The following CNTN3 variants were observed in gnomAD, a reference collection of about 807,000 sequenced individuals.
The protein encoded by CNTN3 is contactin 3.
A neutral mutation model predicts 119.1 loss-of-function variants in CNTN3; 60 were observed. The observed-to-expected ratio is 0.50, with a 90% CI of 0.41 to 0.62. The LOEUF (loss-of-function observed/expected upper bound fraction) is 0.62. Among genes scored for constraint, CNTN3 ranks in the 20% least tolerant of loss-of-function variants. The pLI is 0.00. For missense variants in CNTN3, 1,101 were observed against 1,242.4 expected (o/e 0.89, Z 1.71); for synonymous variants, 450 against 438.7 (o/e 1.03, Z -0.32).
At chr3:74,544,311 T>C (rs1703883545) in intron 1 of CNTN3, among the ~76,000 whole-genome samples, 2 of 152,222 alleles carry the variant, frequency 1.3e-5, no homozygotes, top group Admixed American at 1.3e-4. Flanking sequence ...AACTTTGAAG[T>C]TGAAAAGAGC....
rs1024427685 is a variant in CNTN3 at position 74,267,199 on chromosome 3, A to T, written c.2817+67T>A. On this transcript the variant is annotated intron_variant, in intron 21 of 22. Transcript: ENST00000263665. ...TCAATATATAGAAAAATTCACTTAT[A>T]CCTAGCTTCTCTTGAAAAGTACTGC... 6.4e-6 allele frequency: 6 copies of T among 938,696 alleles called. No homozygotes were observed. In the African/African-American group the frequency reaches 9.8e-5, roughly 15 times the overall value. 58.1% of individuals were successfully genotyped at this position (938,696 alleles called of 1,614,324 possible).
intron 1 of CNTN3, among the ~76,000 whole-genome samples, chr3:74,558,085 G>T (rs936355477): frequency 6.6e-6 from 1 of 152,240 alleles, no homozygotes; most frequent in African/African-American, 2.4e-5. Flanking sequence ...GCCCCAAATT[G>T]TATCTCCCTC....
chr3:74,611,430 A>C (rs1705079878), intron 1 of CNTN3, among the ~76,000 whole-genome samples: 1 of 152,136 alleles, frequency 6.6e-6, no homozygotes, highest in African/African-American at 2.4e-5. Flanking sequence ...CAGGGAGTGC[A>C]TTTCTCCTGC....
chr3:74,499,516 C>T (rs946855984), intron 3 of CNTN3, 143 bp downstream of exon 3: 7 of 658,594 alleles, frequency 1.1e-5, no homozygotes, highest in Non-Finnish European at 1.5e-5. Context: ...TATATTAAAT[C>T]TGTTGAATAT....
chr3:74,367,167 C>G (rs1342679062), intron 8 of CNTN3, among the ~76,000 whole-genome samples: 1 of 151,838 alleles, frequency 6.6e-6, no homozygotes, highest in African/African-American at 2.4e-5. Flanking sequence ...ACTGCATGGC[C>G]TCTACTTAAT....
rs764236454 is a variant in CNTN3 at position 74,445,882 on chromosome 3, G to A, written c.359-20942C>T. ...CAGAAATAAACCTGAAATTGGGGCTGCCACGTAGGACTTCACAGGTTGTGC... is the reference window on the plus strand; with the variant it reads ...CAGAAATAAACCTGAAATTGGGGCTACCACGTAGGACTTCACAGGTTGTGC... On this transcript the variant is annotated intron_variant, in intron 4 of 22. Transcript: ENST00000263665. Among the ~76,000 whole-genome samples the A allele has an allele frequency of 3.6e-4, 55 of 152,284 alleles. 2 individuals are homozygous for A. Among genetic ancestry groups the A allele is most frequent in the Middle Eastern group, 6.8e-3 (2 of 294 alleles).
chr3:74,548,935 C>G (rs1703950412), intron 1 of CNTN3, among the ~76,000 whole-genome samples: 1 of 152,158 alleles, frequency 6.6e-6, no homozygotes, highest in South Asian at 2.1e-4. Flanking sequence ...GATATGGTAA[C>G]TCTTTCACCC....
In CNTN3 at chr3:74,551,754, C is replaced by CTTTTTTTTTT. The variant is rs776621925; in HGVS notation, c.-80-30572_-80-30563dup. ...AGATCTGCTTCTTCTTCTTCTTCTT[C>CTTTTTTTTTT]TTTTTTTTTTTTTTTTTTTTTTTTT... On this transcript the variant is annotated intron_variant, in intron 1 of 22. Coordinates refer to ENST00000263665, the MANE Select transcript of CNTN3 (RefSeq NM_020872.3). Among the ~76,000 whole-genome samples the CTTTTTTTTTT allele has an allele frequency of 3.8e-4, 23 of 60,206 alleles. 1 individual carries two copies. The highest frequency in any genetic ancestry group is 4.7e-4 in the Non-Finnish European group (17 of 35,940). The allele number at this position is 60,206 out of a possible 152,430, so 39.5% of individuals were successfully genotyped here. A position where few individuals can be genotyped will look rare whatever the true frequency, so the allele number is the denominator to read the frequency against.
chr3:74,608,067 T>G (rs1044939224), intron 1 of CNTN3, among the ~76,000 whole-genome samples: 1 of 152,244 alleles, frequency 6.6e-6, no homozygotes. Flanking sequence ...CTTTGTACTA[T>G]GTTTTACAAC....
At chr3:74,296,232 C>A (rs2106805226) in intron 18 of CNTN3, among the ~76,000 whole-genome samples, 1 of 152,252 alleles carries the variant, frequency 6.6e-6, no homozygotes. Flanking sequence ...GCTAACTCTG[C>A]AGCAGGAGCA....
intron 4 of CNTN3, among the ~76,000 whole-genome samples, chr3:74,454,946 T>C (rs888133986): frequency 5.3e-5 from 8 of 152,286 alleles, no homozygotes; most frequent in African/African-American, 1.7e-4. Flanking sequence ...TAACATTTTT[T>C]CCTCATTTCA....
intron 19 of CNTN3, among the ~76,000 whole-genome samples, chr3:74,287,509 T>C (rs940827096): frequency 6.6e-6 from 1 of 152,190 alleles, no homozygotes; most frequent in African/African-American, 2.4e-5. Flanking sequence ...TTCATACTAA[T>C]AGATTTTCAA....
At chr3:74,579,111 C>T (rs1175867247) in intron 1 of CNTN3, among the ~76,000 whole-genome samples, 1 of 151,564 alleles carries the variant, frequency 6.6e-6, no homozygotes, top group Non-Finnish European at 1.5e-5. Flanking sequence ...TATTTCGTGC[C>T]AATATCAGAC....
intron 4 of CNTN3, among the ~76,000 whole-genome samples, chr3:74,436,920 AC>A (rs1312503879): frequency 6.6e-6 from 1 of 152,182 alleles, no homozygotes; most frequent in Non-Finnish European, 1.5e-5. Flanking sequence ...CTACTGTCCA[AC>A]CCTTTCTCAA....
At position 74,302,706 on chromosome 3, in the gene CNTN3, A is replaced by T; in HGVS notation, c.1770T>A (p.Ala590=). 1 of 1,609,930 alleles carries T rather than the reference A, an allele frequency of 6.2e-7. No individual in the cohort carries two copies. The highest frequency in any genetic ancestry group is 8.5e-7 in the Non-Finnish European group (1 of 1,176,474). Residue 590 remains alanine (A), a synonymous_variant, in exon 14 of 23, where the codon GCT becomes GCA. Transcript: ENST00000263665. ...QTGVDSVSSA[A]DLIVRGSPGP... ...ATGTTTTACCTCTTACTATGAGGTC[A>T]GCAGCAGATGAAACACTGTCCACCC... is the stretch of plus-strand genomic sequence containing the variant.
At chr3:74,319,057 G>C (rs1430709010) in intron 13 of CNTN3, among the ~76,000 whole-genome samples, 8 of 152,130 alleles carry the variant, frequency 5.3e-5, no homozygotes, top group African/African-American at 1.9e-4. Flanking sequence ...TCATGGGTAG[G>C]AAGAATCAAT....
chr3:74,533,899 C>G (rs1263166937), intron 1 of CNTN3, among the ~76,000 whole-genome samples: 2 of 152,002 alleles, frequency 1.3e-5, no homozygotes, highest in Non-Finnish European at 2.9e-5. Flanking sequence ...GAGCTACTGG[C>G]ACCTAGGGGT....
intron 13 of CNTN3, among the ~76,000 whole-genome samples, chr3:74,311,727 G>GA: frequency 6.6e-6 from 1 of 152,272 alleles, no homozygotes; most frequent in South Asian, 2.1e-4. Context: ...GGCAGGTAAG[G>GA]AACTTAGAAG....
intron 3 of CNTN3, among the ~76,000 whole-genome samples, chr3:74,490,213 G>C (rs1702937631): frequency 1.3e-5 from 2 of 152,160 alleles, no homozygotes; most frequent in Non-Finnish European, 2.9e-5. Context: ...TAAGCTGTAA[G>C]AGATTTCTCA....
Sources: gnomAD v4.1 joint callset for allele counts (sites outside exome capture counted in the v4.1 genomes callset) on GRCh38, gnomAD v4.1.1 for gene constraint, MANE v1.5 for transcripts, NCBI Gene and HGNC (gene_info 2026-07-23, HGNC 2026-07-21) for gene names.